The following KDM4B variants were observed in gnomAD, a reference collection of about 807,000 sequenced individuals.
KDM4B encodes lysine demethylase 4B, also known as lysine-specific demethylase 4B.
Under a neutral mutation model 125.2 loss-of-function variants are expected in KDM4B, and 32 were observed. That is an observed-to-expected ratio of 0.26 (90% CI 0.19 to 0.34). The LOEUF (loss-of-function observed/expected upper bound fraction) is 0.34, where lower values mean the gene tolerates loss of function less well. Ranked by LOEUF, KDM4B falls within the 10% of genes least tolerant of loss-of-function variation. The probability of loss-of-function intolerance (pLI) is 1.00; values close to 1 mark genes in which losing one functional copy is unlikely to be tolerated. For synonymous variants in KDM4B, 721 were observed against 677.9 expected (o/e 1.06, Z -0.99); for missense variants, 1,190 against 1,577.7 (o/e 0.75, Z 4.16).
intron 9 of KDM4B, among the ~76,000 whole-genome samples, chr19:5,105,513 G>C (rs143316261): frequency 4.6e-5 from 7 of 152,200 alleles, no homozygotes; most frequent in Admixed American, 1.3e-4. Flanking sequence ...GCTCACTGCA[G>C]CCTTGACCGC....
At chr19:5,087,565 G>A (rs1053036605) in intron 9 of KDM4B, among the ~76,000 whole-genome samples, 2 of 152,222 alleles carry the variant, frequency 1.3e-5, no homozygotes, top group Non-Finnish European at 2.9e-5. Context: ...TCTCTTTCTG[G>A]GGGGTGGGGT....
Position 5,131,488 on chromosome 19 carries a change from T to C in KDM4B, c.1728T>C (p.Gly576=). 1 of 1,506,954 alleles carries C rather than the reference T, an allele frequency of 6.6e-7. No homozygotes were observed. The highest frequency in any genetic ancestry group is 8.8e-7 in the Non-Finnish European group (1 of 1,134,420). 93.3% of individuals were successfully genotyped at this position (1,506,954 alleles called of 1,614,324 possible). Residue 576 remains glycine (G), a synonymous_variant, in exon 12 of 23, where the codon GGT becomes GGC. Transcript: ENST00000159111. ...TGGAGCTGACGGGGCCAGAGGACGG[T>C]GCAGCCAGCAGTGGGGCAGGTCGCA... ...SPMELTGPED[G]AASSGAGRME... is the part of the protein sequence containing the mutation.
intron 1 of KDM4B, among the ~76,000 whole-genome samples, chr19:5,004,907 C>A (rs1329784645): frequency 2.0e-5 from 3 of 152,176 alleles, no homozygotes; most frequent in Non-Finnish European, 4.4e-5. Flanking sequence ...GTGCCGGAAC[C>A]AGGAGCATCC....
chr19:5,033,861 T>G (rs1443996346), intron 3 of KDM4B, among the ~76,000 whole-genome samples: 1 of 152,196 alleles, frequency 6.6e-6, no homozygotes, highest in East Asian at 1.9e-4. Context: ...CTGGGCATGG[T>G]GGCCCAGGCC....
intron 8 of KDM4B, among the ~76,000 whole-genome samples, chr19:5,079,636 G>A (rs574990777): frequency 5.3e-5 from 8 of 152,228 alleles, no homozygotes; most frequent in Admixed American, 2.6e-4. Context: ...ACAGGGAGCC[G>A]TCACTTGGCC....
rs1037837339 is a variant in KDM4B, at chr19:5,152,939, G to A, written c.*1428G>A. 5 of 152,380 alleles carry A rather than the reference G, an allele frequency of 3.3e-5. No homozygotes were observed. Among genetic ancestry groups the A allele is most frequent in the African/African-American group, 1.2e-4 (5 of 41,392 alleles). The allele number at this position is 152,380 out of a possible 1,614,324, so 9.4% of individuals were successfully genotyped here. A position where few individuals can be genotyped will look rare whatever the true frequency, so the allele number is the denominator to read the frequency against. On this transcript the variant is annotated 3_prime_UTR_variant, in exon 23 of 23. Coordinates refer to ENST00000159111, the MANE Select transcript of KDM4B (RefSeq NM_015015.3). ...TGCGCACCTGTGGTCCCAGCTACTC[G>A]GGAGGCTGTGGTGGGAGGATTGCTT...
At chr19:5,091,571 C>T (rs1048646336) in intron 9 of KDM4B, among the ~76,000 whole-genome samples, 2 of 152,192 alleles carry the variant, frequency 1.3e-5, no homozygotes, top group African/African-American at 4.8e-5. Context: ...CCAGGCCTCT[C>T]CTAAAACCCC....
At position 5,133,918 on chromosome 19, in the gene KDM4B, G is replaced by T; in HGVS notation, c.1942G>T (p.Asp648Tyr). ...SPFSGEEDVS[D>Y]PDALRPLLSL... is the part of the protein sequence containing the mutation. ...TTTCTCCGGGGAGGAAGATGTGAGT[G>T]ACCCGGACGCCTTGAGGCCGCTGCT... is the stretch of plus-strand genomic sequence containing the variant. The change falls in exon 14 of 23, where the codon GAC (aspartate) becomes TAC (tyrosine). Residue 648 changes from aspartate to tyrosine, a missense_variant. By Grantham distance (160) the Asp-to-Tyr change is radical. Coordinates refer to ENST00000159111, the MANE Select transcript of KDM4B (RefSeq NM_015015.3). 1 of 1,613,120 alleles carries T rather than the reference G, an allele frequency of 6.2e-7. No homozygotes were observed. Among genetic ancestry groups the T allele is most frequent in the South Asian group, 1.1e-5 (1 of 91,074 alleles).
chr19:5,017,057 G>A (rs1313517209), intron 2 of KDM4B, among the ~76,000 whole-genome samples: 1 of 152,236 alleles, frequency 6.6e-6, no homozygotes, highest in Non-Finnish European at 1.5e-5. Context: ...CCGGGGAAAG[G>A]CTGCCTTGTG....
intron 1 of KDM4B, among the ~76,000 whole-genome samples, chr19:4,989,802 G>A (rs568147360): frequency 4.5e-4 from 69 of 152,096 alleles, no homozygotes; most frequent in Admixed American, 8.5e-4. Context: ...ACAGGCATGC[G>A]CCACTGTGCC....
chr19:5,095,395 GTA>G (rs2038800912), intron 9 of KDM4B, among the ~76,000 whole-genome samples: 1 of 152,236 alleles, frequency 6.6e-6, no homozygotes, highest in Non-Finnish European at 1.5e-5. Flanking sequence ...GCAGACTCTA[GTA>G]TCTGTTCAGG....
At chr19:4,975,566 A>T (rs913617294) in intron 1 of KDM4B, among the ~76,000 whole-genome samples, 2 of 150,450 alleles carry the variant, frequency 1.3e-5, no homozygotes, top group Non-Finnish European at 1.5e-5. Flanking sequence ...GTGGGTGTTG[A>T]GTGGACATTC....
chr19:5,072,293 G>A (rs1267932485), intron 7 of KDM4B, among the ~76,000 whole-genome samples: 1 of 152,228 alleles, frequency 6.6e-6, no homozygotes, highest in South Asian at 2.1e-4. Flanking sequence ...TGGCTGTGCA[G>A]GAAATGTTGC....
intron 1 of KDM4B, among the ~76,000 whole-genome samples, chr19:4,970,287 T>C (rs555561902): frequency 6.6e-6 from 1 of 152,240 alleles, no homozygotes; most frequent in African/African-American, 2.4e-5. Flanking sequence ...GCTTCTGTTT[T>C]AATAATTTAC....
rs757900476 is a variant in KDM4B, at chr19:5,082,542, C to A, written c.918+38C>A. Reference sequence around the variant, plus strand: ...CTGCTGGGAACGGGTCCCAGCAGGGCGGGAGGAGGCTCTTTTTTGCCTCTG... The same window carrying A: ...CTGCTGGGAACGGGTCCCAGCAGGGAGGGAGGAGGCTCTTTTTTGCCTCTG... On this transcript the variant is annotated intron_variant, in intron 9 of 22. Coordinates refer to ENST00000159111, the MANE Select transcript of KDM4B (RefSeq NM_015015.3). The surrounding 1 kb of genome is among the most constrained non-coding windows in gnomAD (Gnocchi z 5.4). The A allele has an allele frequency of 6.5e-7, 1 of 1,534,516 alleles. No individual in the cohort carries two copies. The highest frequency in any genetic ancestry group is 8.7e-7 in the Non-Finnish European group (1 of 1,145,600).
At chr19:5,010,805 A>C (rs2035705066) in intron 1 of KDM4B, among the ~76,000 whole-genome samples, 1 of 151,952 alleles carries the variant, frequency 6.6e-6, no homozygotes, top group South Asian at 2.1e-4. Context: ...CCACCATCAC[A>C]CCTGGCTAAT....
chr19:5,037,690 C>T (rs751345461), intron 3 of KDM4B, among the ~76,000 whole-genome samples: 10 of 152,244 alleles, frequency 6.6e-5, no homozygotes, highest in Non-Finnish European at 1.2e-4. Flanking sequence ...TGGCGCCATC[C>T]TGGGCATTGC....
At chr19:5,094,688 C>T (rs1247824513) in intron 9 of KDM4B, among the ~76,000 whole-genome samples, 4 of 152,056 alleles carry the variant, frequency 2.6e-5, no homozygotes, top group Non-Finnish European at 2.9e-5. Context: ...GTGCTGGGAG[C>T]GCACAGAGGG....
intron 18 of KDM4B, among the ~76,000 whole-genome samples, chr19:5,139,612 C>A (rs73529636): frequency 2.6e-3 from 389 of 152,356 alleles, no homozygotes; most frequent in African/African-American, 8.9e-3. Context: ...GTAGCAGCCG[C>A]CCTAGCAGGT....
Sources: allele counts gnomAD v4.1 joint callset (sites outside exome capture counted in the v4.1 genomes callset), GRCh38; gene constraint gnomAD v4.1.1; non-coding constraint Gnocchi (gnomAD v3.1); transcripts MANE v1.5; gene names NCBI Gene and HGNC (gene_info 2026-07-23, HGNC 2026-07-21).